SLC9A1: variants seen among roughly 807,000 people sequenced by gnomAD.
SLC9A1 encodes solute carrier family 9 member A1.
Under a neutral mutation model 67.9 loss-of-function variants are expected in SLC9A1, and 22 were observed. The ratio of observed to expected loss-of-function variants is 0.32; its 90% CI spans 0.23 to 0.46. SLC9A1 has a LOEUF of 0.46. SLC9A1 is among the 20% of genes least tolerant of loss of function. The pLI is 1.00. For synonymous variants in SLC9A1, 421 were observed against 471.8 expected (o/e 0.89, Z 1.40); for missense variants, 686 against 1,094.8 (o/e 0.63, Z 5.27).
chr1:27,116,681 TG>T (rs1278099856), intron 1 of SLC9A1, among the ~76,000 whole-genome samples: 1 of 152,216 alleles, frequency 6.6e-6, no homozygotes, highest in East Asian at 1.9e-4. Flanking sequence ...AGTGTGTAGC[TG>T]GCTGGTCCAC....
intron 1 of SLC9A1, among the ~76,000 whole-genome samples, chr1:27,131,512 G>C (rs1340161425): frequency 6.6e-6 from 1 of 150,988 alleles, no homozygotes; most frequent in Non-Finnish European, 1.5e-5. Context: ...TACTTTGGGA[G>C]GCCAAGGTGG....
At chr1:27,141,116 C>T (rs1040851037) in intron 1 of SLC9A1, among the ~76,000 whole-genome samples, 12 of 152,128 alleles carry the variant, frequency 7.9e-5, no homozygotes, top group African/African-American at 1.2e-4. Flanking sequence ...GCAGGAGAAT[C>T]GCTTGAAGCA....
chr1:27,126,198 C>G (rs1211409086), intron 1 of SLC9A1, among the ~76,000 whole-genome samples: 2 of 152,272 alleles, frequency 1.3e-5, no homozygotes, highest in East Asian at 1.9e-4. Context: ...TTGCCACTTC[C>G]TGACGTCTAG....
intron 1 of SLC9A1, among the ~76,000 whole-genome samples, chr1:27,124,804 A>G (rs188100839): frequency 1.1e-4 from 16 of 152,226 alleles, no homozygotes; most frequent in South Asian, 6.2e-4. Context: ...GAAGGGCCAG[A>G]AAAGGATCAG....
chr1:27,103,443 G>A (rs954273057), intron 5 of SLC9A1, 131 bp from the exon 6 acceptor site: 3 of 726,848 alleles, frequency 4.1e-6, no homozygotes, highest in Non-Finnish European at 7.6e-6. Context: ...CAGGACCCAA[G>A]GGTGTGAGAA....
chr1:27,129,345 C>T (rs2083369522), intron 1 of SLC9A1, among the ~76,000 whole-genome samples: 1 of 152,192 alleles, frequency 6.6e-6, no homozygotes, highest in Non-Finnish European at 1.5e-5. Flanking sequence ...TCTCCCACCA[C>T]ACTGGGGATA....
chr1:27,103,785 G>A (rs575689096), intron 5 of SLC9A1: 2 of 173,122 alleles, frequency 1.2e-5, no homozygotes, highest in African/African-American at 4.7e-5. Flanking sequence ...GCATCAATCA[G>A]CTCTCCAATA....
In SLC9A1 at chr1:27,101,986, T is replaced by A. The variant is rs1570842367; in HGVS notation, c.1935+30A>T. The A allele has an allele frequency of 1.3e-6, 2 of 1,557,392 alleles. No homozygotes were observed. The highest frequency in any genetic ancestry group is 4.5e-5 in the East Asian group (2 of 44,644). ...GAGGGGCTGAAGGGCTCCTGTACCC[T>A]GGGGGTCGGGCTGGGGAGCAGGCCC... On this transcript the variant is annotated intron_variant, in intron 9 of 11. Coordinates refer to ENST00000263980, the MANE Select transcript of SLC9A1 (RefSeq NM_003047.5). This position sits in a 1 kb window ranked among gnomAD's most constrained non-coding sequence, Gnocchi z 4.9.
intron 6 of SLC9A1, 67 bp from the exon 7 acceptor site, chr1:27,102,810 A>G: frequency 7.3e-7 from 1 of 1,373,212 alleles, no homozygotes. Flanking sequence ...ACCTCTGACT[A>G]GCCCCACTCC....
intron 3 of SLC9A1, among the ~76,000 whole-genome samples, chr1:27,108,160 G>A (rs933302475): frequency 5.4e-5 from 8 of 148,860 alleles, no homozygotes; most frequent in East Asian, 4.0e-4. Flanking sequence ...TCCGCCTCCC[G>A]GGTTCAAGCA....
chr1:27,129,968 A>G (rs2083373921), intron 1 of SLC9A1, among the ~76,000 whole-genome samples: 1 of 152,192 alleles, frequency 6.6e-6, no homozygotes, highest in Non-Finnish European at 1.5e-5. Flanking sequence ...TGCAGCTCTG[A>G]GCCCCAGTTT....
intron 1 of SLC9A1, among the ~76,000 whole-genome samples, chr1:27,121,849 G>A (rs945049577): frequency 1.3e-5 from 2 of 152,150 alleles, no homozygotes; most frequent in East Asian, 1.9e-4. Context: ...AGGGCCGGGC[G>A]CAGTGGCTCA....
chr1:27,117,816 G>A (rs989967410), intron 1 of SLC9A1, among the ~76,000 whole-genome samples: 2 of 152,190 alleles, frequency 1.3e-5, no homozygotes, highest in East Asian at 3.8e-4. Flanking sequence ...GTCTCAAACC[G>A]GTAGCAGAGA....
At chr1:27,150,361 A>G (rs2124218489) in intron 1 of SLC9A1, among the ~76,000 whole-genome samples, 1 of 152,336 alleles carries the variant, frequency 6.6e-6, no homozygotes, top group East Asian at 1.9e-4. Context: ...TACCTGCTTT[A>G]TGGGCTCCCG....
chr1:27,108,888 ACACAGGGGTCTC>A (rs1299586494), intron 3 of SLC9A1, among the ~76,000 whole-genome samples: 1 of 152,104 alleles, frequency 6.6e-6, no homozygotes, highest in Non-Finnish European at 1.5e-5. Flanking sequence ...ATCTGCCATT[ACACAGGGGTCTC>A]CACAGGGAGC....
chr1:27,118,375 A>T lies in SLC9A1; in HGVS notation c.353-4089T>A, dbSNP rs1420244634. On this transcript the variant is annotated intron_variant, in intron 1 of 11. Transcript: ENST00000263980. The surrounding 1 kb of genome is among the most constrained non-coding windows in gnomAD (Gnocchi z 4.3). ...AGGAAGGGATTCTGTCATCAAGAGG[A>T]GGCTCCTTCAGGAGCAACGGCTCAG... Among the ~76,000 whole-genome samples, 2 of 152,162 alleles carry T rather than the reference A, an allele frequency of 1.3e-5. No homozygotes were observed. Among genetic ancestry groups the T allele is most frequent in the African/African-American group, 2.4e-5 (1 of 41,428 alleles).
intron 1 of SLC9A1, among the ~76,000 whole-genome samples, chr1:27,152,239 A>G (rs2083533432): frequency 1.3e-5 from 2 of 152,204 alleles, no homozygotes; most frequent in African/African-American, 4.8e-5. Context: ...GCCTGCAGGG[A>G]CAAACTTCTG....
chr1:27,146,800 A>T (rs1452725858), intron 1 of SLC9A1, among the ~76,000 whole-genome samples: 1 of 152,156 alleles, frequency 6.6e-6, no homozygotes, highest in Non-Finnish European at 1.5e-5. Flanking sequence ...AAAATAAAAA[A>T]TTAATAAGTG....
rs908722813 is a variant in SLC9A1, at chr1:27,152,852, G to A, written c.352+1131C>T. ...GCTCCTGCATGTCCTTGGGAGAGCT[G>A]GAAGGTTTCCTGCCAAATTCCCAAA... On this transcript the variant is annotated intron_variant, in intron 1 of 11. Coordinates refer to ENST00000263980, the MANE Select transcript of SLC9A1 (RefSeq NM_003047.5). Among the ~76,000 whole-genome samples, 31 of 152,152 alleles carry A rather than the reference G, an allele frequency of 2.0e-4. 1 individual carries two copies. The highest frequency in any genetic ancestry group is 7.5e-4 in the African/African-American group (31 of 41,436).
Sources: allele counts gnomAD v4.1 joint callset (sites outside exome capture counted in the v4.1 genomes callset), GRCh38; gene constraint gnomAD v4.1.1; non-coding constraint Gnocchi (gnomAD v3.1); transcripts MANE v1.5; gene names NCBI Gene and HGNC (gene_info 2026-07-23, HGNC 2026-07-21).